Variants in HSF2BP observed in about 807,000 individuals in gnomAD.
The protein encoded by HSF2BP is heat shock transcription factor 2 binding protein.
HSF2BP carries 35 observed loss-of-function variants against 35.0 expected under a neutral mutation model. That is an observed-to-expected ratio of 1.00 (90% confidence interval 0.76 to 1.32). The LOEUF (loss-of-function observed/expected upper bound fraction) is 1.32. Among genes scored for constraint, HSF2BP ranks in the 40% most tolerant of loss-of-function variants. The probability of loss-of-function intolerance (pLI) is 0.00; values close to 1 mark genes in which losing one functional copy is unlikely to be tolerated. For missense variants in HSF2BP, 326 were observed against 321.7 expected (o/e 1.01, Z -0.10); for synonymous variants, 114 against 117.4 (o/e 0.97, Z 0.18).
chr21:43,636,894 C>CGAAAAAAAAAAAA (rs2082567491), intron 4 of HSF2BP, among the ~76,000 whole-genome samples: 2 of 112,042 alleles, frequency 1.8e-5, no homozygotes, highest in African/African-American at 6.5e-5. Flanking sequence ...CGTCTCAAAA[C>CGAAAAAAAAAAAA]AAAAAAAAAA....
chr21:43,621,787 T>C (rs993162381), intron 6 of HSF2BP, among the ~76,000 whole-genome samples: 2 of 152,010 alleles, frequency 1.3e-5, no homozygotes, highest in South Asian at 2.1e-4. Flanking sequence ...AAGAAAAAAA[T>C]TGAGGGTATA....
chr21:43,621,803 C>G (rs2082334345), intron 6 of HSF2BP, among the ~76,000 whole-genome samples: 1 of 151,712 alleles, frequency 6.6e-6, no homozygotes, highest in Non-Finnish European at 1.5e-5. Flanking sequence ...GTATAAAACC[C>G]ACTGGAAAAA....
chr21:43,655,462 AG>A (rs1282949881), intron 3 of HSF2BP, among the ~76,000 whole-genome samples: 6 of 152,228 alleles, frequency 3.9e-5, no homozygotes, highest in Non-Finnish European at 8.8e-5. Context: ...CGAGGTACCC[AG>A]GGACTAGCAA....
chr21:43,637,015 G>A (rs1253769284), intron 4 of HSF2BP, among the ~76,000 whole-genome samples: 7 of 151,842 alleles, frequency 4.6e-5, no homozygotes, highest in African/African-American at 9.7e-5. Flanking sequence ...CAGGACGAGC[G>A]AAGTGGCTCA....
chr21:43,591,496 T>C (rs2081925370), intron 8 of HSF2BP, among the ~76,000 whole-genome samples: 1 of 152,182 alleles, frequency 6.6e-6, no homozygotes, highest in Non-Finnish European at 1.5e-5. Context: ...TATAACCAAA[T>C]TGAAAGCAAT....
chr21:43,467,784 A>C, the HSF2BP span, among the ~76,000 whole-genome samples: 11 of 76,006 alleles, frequency 1.4e-4, no homozygotes, highest in East Asian at 3.8e-4. Context: ...CCACACCACA[A>C]ACCACACACC....
chr21:43,592,445 G>A (rs531904020), intron 7 of HSF2BP, 117 bp from the exon 8 acceptor site: 6 of 647,948 alleles, frequency 9.3e-6, no homozygotes, highest in African/African-American at 9.1e-5. Flanking sequence ...CATTTTAGAT[G>A]TCCAATTCTA....
At chr21:43,652,532 C>T (rs1037903855) in intron 3 of HSF2BP, among the ~76,000 whole-genome samples, 1 of 151,884 alleles carries the variant, frequency 6.6e-6, no homozygotes, top group African/African-American at 2.4e-5. Flanking sequence ...TGCCACAGTA[C>T]AATCGTGAAT....
intron 7 of HSF2BP, among the ~76,000 whole-genome samples, chr21:43,600,586 T>TTAACAGAC (rs1266559025): frequency 6.6e-6 from 1 of 152,216 alleles, no homozygotes; most frequent in East Asian, 1.9e-4. Flanking sequence ...AAGTAATGAC[T>TTAACAGAC]TAACAGACTT....
intron 6 of HSF2BP, among the ~76,000 whole-genome samples, chr21:43,625,025 C>T (rs1202173490): frequency 6.6e-6 from 1 of 152,100 alleles, no homozygotes; most frequent in South Asian, 2.1e-4. Flanking sequence ...CTGAGCCAAA[C>T]CTCTGCACTA....
chr21:43,652,500 CAG>C (rs2082802801), intron 3 of HSF2BP, among the ~76,000 whole-genome samples: 1 of 151,334 alleles, frequency 6.6e-6, no homozygotes, highest in African/African-American at 2.4e-5. Context: ...GTAGAAGAAT[CAG>C]TATGTCAAAC....
intron 4 of HSF2BP, among the ~76,000 whole-genome samples, chr21:43,643,887 G>GGAGCTTGCAGTGAGCC (rs1270690367): frequency 6.6e-6 from 1 of 151,738 alleles, no homozygotes; most frequent in Non-Finnish European, 1.5e-5. Flanking sequence ...CCCAGGAGGC[G>GGAGCTTGCAGTGAGCC]GAGCTTGCAG....
chr21:43,581,549 C>T (rs1469146960), intron 8 of HSF2BP, among the ~76,000 whole-genome samples: 1 of 152,174 alleles, frequency 6.6e-6, no homozygotes, highest in African/African-American at 2.4e-5. Flanking sequence ...GCATTTATGT[C>T]TTGGCTTCAG....
At chr21:43,649,208 C>T (rs1002177058) in intron 3 of HSF2BP, among the ~76,000 whole-genome samples, 34 of 151,964 alleles carry the variant, frequency 2.2e-4, no homozygotes, top group African/African-American at 6.8e-4. Flanking sequence ...GTGTGCTGAC[C>T]GCGCCTGGCC....
chr21:43,582,542 G>T (rs2081769927), intron 8 of HSF2BP, among the ~76,000 whole-genome samples: 2 of 104,412 alleles, frequency 1.9e-5, no homozygotes, highest in Non-Finnish European at 2.0e-5. Flanking sequence ...GGGAGATGAG[G>T]ACCTGCTGAG....
intron 8 of HSF2BP, among the ~76,000 whole-genome samples, chr21:43,589,194 G>C (rs2081895320): frequency 6.6e-6 from 1 of 152,124 alleles, no homozygotes; most frequent in Admixed American, 6.5e-5. Flanking sequence ...TACTACATAA[G>C]GGTAAACAAA....
intron 8 of HSF2BP, among the ~76,000 whole-genome samples, chr21:43,580,088 G>C (rs1310511760): frequency 6.6e-6 from 1 of 151,904 alleles, no homozygotes; most frequent in Non-Finnish European, 1.5e-5. Flanking sequence ...GCCTCCCCGT[G>C]TCATGTTCCC....
At chr21:43,632,249 ACACAC>A in intron 5 of HSF2BP, among the ~76,000 whole-genome samples, 1 of 85,050 alleles carries the variant, frequency 1.2e-5, no homozygotes, top group Non-Finnish European at 2.3e-5. Flanking sequence ...ACACACACAC[ACACAC>A]TCCCCCACAC....
At chr21:43,630,064 C>A (rs572822517) in intron 6 of HSF2BP, among the ~76,000 whole-genome samples, 32 of 152,290 alleles carry the variant, frequency 2.1e-4, no homozygotes, top group African/African-American at 7.7e-4. Flanking sequence ...CCTCTACCAG[C>A]AAAAAATTGT....
Sources: allele counts gnomAD v4.1 joint callset (sites outside exome capture counted in the v4.1 genomes callset), GRCh38; gene constraint gnomAD v4.1.1; transcripts MANE v1.5; gene names NCBI Gene and HGNC (gene_info 2026-07-23, HGNC 2026-07-21).